The following SLC12A7 variants were observed in gnomAD, a reference collection of about 807,000 sequenced individuals.
SLC12A7 encodes the protein K-Cl cotransporter 4.
Under a neutral mutation model 120.6 loss-of-function variants are expected in SLC12A7, and 100 were observed. The observed-to-expected ratio is 0.83, with a 90% CI of 0.71 to 0.98. SLC12A7 has a LOEUF of 0.98. Ranked by LOEUF, SLC12A7 falls within the 50% of genes least tolerant of loss-of-function variation. The pLI is 0.00. For synonymous variants in SLC12A7, 760 were observed against 678.0 expected (o/e 1.12, Z -1.88); for missense variants, 1,373 against 1,548.1 (o/e 0.89, Z 1.90).
chr5:1,073,680 C>G lies in SLC12A7; in HGVS notation c.2194G>C (p.Glu732Gln). 1 of 1,600,670 alleles carries G rather than the reference C, an allele frequency of 6.2e-7. No homozygotes were observed. The highest frequency in any genetic ancestry group is 8.5e-7 in the Non-Finnish European group (1 of 1,173,884). ...ATGTGCTTGTCCAGGTACGTCCCCT[C>G]CAGCACCGAGCCCACGATGGTCAGG... Reference protein sequence around the residue: ...KGLTIVGSVLEGTYLDKHMEA... With the variant: ...KGLTIVGSVLQGTYLDKHMEA... The change falls in exon 17 of 24, where the codon GAG (glutamate) becomes CAG (glutamine). Residue 732 changes from glutamate to glutamine, a missense_variant. Physicochemically the swap from Glu to Gln is conservative, Grantham distance 29. Transcript: ENST00000264930.
At chr5:1,140,136 A>G in the SLC12A7 span, among the ~76,000 whole-genome samples, 3 of 152,190 alleles carry the variant, frequency 2.0e-5, no homozygotes, top group Admixed American at 6.5e-5. Context: ...TGCCCTCAGA[A>G]GGCCCCCCAG....
chr5:1,090,821 C>T (rs764602447), intron 3 of SLC12A7, among the ~76,000 whole-genome samples: 6 of 152,222 alleles, frequency 3.9e-5, no homozygotes, highest in Non-Finnish European at 7.3e-5. Context: ...CCTCTTGGTT[C>T]GCGCCTAAAG....
chr5:1,119,477 C>T, the SLC12A7 span, among the ~76,000 whole-genome samples: 1 of 152,246 alleles, frequency 6.6e-6, no homozygotes, highest in East Asian at 1.9e-4. Context: ...TTACACAAGC[C>T]CTTTGGAAAG....
the SLC12A7 span, among the ~76,000 whole-genome samples, chr5:1,155,128 G>A: frequency 4.7e-5 from 7 of 150,380 alleles, no homozygotes; most frequent in East Asian, 1.4e-3. Flanking sequence ...CAGGCTTCGG[G>A]ACCCCCGTGT....
chr5:1,106,343 C>A lies in SLC12A7; in HGVS notation c.124+5525G>T, dbSNP rs184693211. On this transcript the variant is annotated intron_variant, in intron 1 of 23. Coordinates refer to ENST00000264930, the MANE Select transcript of SLC12A7 (RefSeq NM_006598.3). The stretch of plus-strand genomic sequence containing the variant: ...TGGTGCGTGCCTGTGGTCCCCGCTA[C>A]TCGGGAGGCTGAGGCACGAGAATCG... 9.5e-3 allele frequency among the ~76,000 whole-genome samples: 1,425 copies of A among 150,784 alleles called. 25 individuals carry two copies. The highest frequency in any genetic ancestry group is 0.033 in the African/African-American group (1,346 of 41,020).
chr5:1,147,430 C>G, the SLC12A7 span, among the ~76,000 whole-genome samples: 1 of 151,782 alleles, frequency 6.6e-6, no homozygotes, highest in Admixed American at 6.6e-5. Flanking sequence ...GGGTCCCACA[C>G]CCGGAGAGAC....
intron 18 of SLC12A7, 110 bp from the exon 19 acceptor site, chr5:1,064,362 C>T (rs1736690312): frequency 1.7e-6 from 2 of 1,202,932 alleles, no homozygotes; most frequent in Non-Finnish European, 2.3e-6. Context: ...CGAGGGGGGT[C>T]CCCACAAAGC....
At chr5:1,095,022 C>T (rs1409023517) in intron 1 of SLC12A7, among the ~76,000 whole-genome samples, 17 of 16,526 alleles carry the variant, frequency 1.0e-3, no homozygotes, top group Admixed American at 5.1e-3. Flanking sequence ...GAGGTGGGGG[C>T]GGTAGGAGGC....
chr5:1,065,855 T>C (rs1202962051), intron 17 of SLC12A7, among the ~76,000 whole-genome samples: 1 of 147,432 alleles, frequency 6.8e-6, no homozygotes, highest in Non-Finnish European at 1.5e-5. Context: ...CACCCGAAAA[T>C]GGGCCAAATT....
At chr5:1,136,795 A>G in the SLC12A7 span, among the ~76,000 whole-genome samples, 2 of 150,190 alleles carry the variant, frequency 1.3e-5, no homozygotes, top group African/African-American at 4.9e-5. Context: ...CAGGACACGC[A>G]GGCACACACG....
chr5:1,129,813 C>G, the SLC12A7 span, among the ~76,000 whole-genome samples: 3 of 152,178 alleles, frequency 2.0e-5, no homozygotes. Flanking sequence ...GCCGGGCTCT[C>G]GACACTGCTG....
At position 1,065,345 on chromosome 5, in the gene SLC12A7, A is replaced by G. The variant is rs1736927086; in HGVS notation, c.2375T>C (p.Leu792Pro). ...CTTCCAGGATGCGGGCCAGGCCATGAGCACCGTGTTGTGCTTCAGGCCGCC... is the reference window on the plus strand; with the variant it reads ...CTTCCAGGATGCGGGCCAGGCCATGGGCACCGTGTTGTGCTTCAGGCCGCC... The part of the protein sequence containing the change: ...GLGGLKHNTV[L>P]MAWPASWKQE... Residue 792 changes from leucine (L) to proline (P), a missense_variant, in exon 18 of 24, where the codon CTC (leucine) becomes CCC (proline). Physicochemically the swap from Leu to Pro is moderately conservative, Grantham distance 98. Coordinates refer to ENST00000264930, the MANE Select transcript of SLC12A7 (RefSeq NM_006598.3). 6.2e-7 allele frequency: 1 copy of G among 1,608,336 alleles called. No individual in the cohort carries two copies. Among genetic ancestry groups the G allele is most frequent in the East Asian group, 2.2e-5 (1 of 44,722 alleles).
rs560303940 is a variant in SLC12A7 at position 1,050,775 on chromosome 5, T to C, written c.*1585A>G. The stretch of plus-strand genomic sequence containing the variant: ...GCTTAGCCAAGGCAGGCAGAGGCTG[T>C]GGGAACTGCTGAGCCCCGCTGTGAT... On this transcript the variant is annotated 3_prime_UTR_variant, in exon 24 of 24. Coordinates refer to ENST00000264930, the MANE Select transcript of SLC12A7 (RefSeq NM_006598.3). 408 of 398,396 alleles carry C rather than the reference T, an allele frequency of 1.0e-3. No individual in the cohort carries two copies. The highest frequency in any genetic ancestry group is 7.7e-3 in the African/African-American group (377 of 48,758). 24.7% of individuals were successfully genotyped at this position (398,396 alleles called of 1,614,324 possible).
chr5:1,084,582 T>G (rs1326534397), intron 7 of SLC12A7, among the ~76,000 whole-genome samples: 2 of 152,192 alleles, frequency 1.3e-5, no homozygotes, highest in African/African-American at 4.8e-5. Flanking sequence ...GCAGGGGGTC[T>G]CAGGACGGGT....
intron 12 of SLC12A7, 127 bp downstream of exon 12, chr5:1,077,706 G>A: frequency 9.9e-7 from 1 of 1,007,142 alleles, no homozygotes; most frequent in Admixed American, 3.1e-5. Flanking sequence ...GCCAGGGGCA[G>A]AATGACCACC....
At chr5:1,060,137 G>A (rs901378251) in intron 21 of SLC12A7, among the ~76,000 whole-genome samples, 6 of 152,240 alleles carry the variant, frequency 3.9e-5, no homozygotes, top group African/African-American at 4.8e-5. Flanking sequence ...CCCAGGCTCC[G>A]ATGAGCTCTG....
the SLC12A7 span, among the ~76,000 whole-genome samples, chr5:1,124,508 A>G: frequency 7.9e-5 from 12 of 152,294 alleles, no homozygotes; most frequent in Admixed American, 5.2e-4. Flanking sequence ...TTCCAGACCA[A>G]CGAAAACTGT....
the SLC12A7 span, among the ~76,000 whole-genome samples, chr5:1,150,488 CT>C: frequency 1.4e-4 from 22 of 152,360 alleles, no homozygotes; most frequent in Admixed American, 3.9e-4. Context: ...TGCAGGATCT[CT>C]TCCGAATATT....
intron 23 of SLC12A7, 63 bp downstream of exon 23, chr5:1,053,286 T>C: frequency 6.4e-7 from 1 of 1,568,438 alleles, no homozygotes; most frequent in Non-Finnish European, 8.6e-7. Context: ...CAAACCCAGG[T>C]CTTAGCGAGA....
Sources: allele counts gnomAD v4.1 joint callset (sites outside exome capture counted in the v4.1 genomes callset), GRCh38; gene constraint gnomAD v4.1.1; transcripts MANE v1.5; gene names NCBI Gene and HGNC (gene_info 2026-07-23, HGNC 2026-07-21).